Variants in TLN2 observed in about 807,000 individuals in gnomAD.
TLN2 encodes talin 2, also known as talin-2.
A neutral mutation model predicts 294.7 loss-of-function variants in TLN2; 118 were observed. The observed-to-expected ratio is 0.40, with a 90% CI of 0.34 to 0.47. TLN2 has a LOEUF of 0.47. Ranked by LOEUF, TLN2 falls within the 20% of genes least tolerant of loss-of-function variation. The pLI, the probability that TLN2 is intolerant of heterozygous loss-of-function variation, is 0.84. For synonymous variants in TLN2, 1,431 were observed against 1,304.5 expected, an observed-to-expected ratio of 1.10 and a Z score of -2.09; for missense variants, 3,083 against 3,282.2, an observed-to-expected ratio of 0.94 and a Z score of 1.48.
chr15:62,399,383 C>T (rs1025553679), intron 1 of TLN2, among the ~76,000 whole-genome samples: 5 of 150,052 alleles, frequency 3.3e-5, no homozygotes, highest in African/African-American at 9.8e-5. Context: ...AATGTGGGGT[C>T]GGAACCCCCA....
chr15:62,662,842 G>A (rs1433411760), intron 9 of TLN2, among the ~76,000 whole-genome samples: 1 of 6,714 alleles, frequency 1.5e-4, no homozygotes, highest in Non-Finnish European at 1.8e-3. Flanking sequence ...TTTTTTTTTG[G>A]AGACAGAGTC....
At position 62,764,067 on chromosome 15, in the gene TLN2, TTCA is replaced by T. The variant is rs1223313155; in HGVS notation, c.5094+376_5094+378del. ...TTTGAATAATTCTCTGTTGTCGTAT[TTCA>T]TCAGTGTGCTTTTTAGTTAGTTGGC... On this transcript the variant is annotated intron_variant, in intron 40 of 58. Transcript: ENST00000636159. 2.0e-5 allele frequency among the ~76,000 whole-genome samples: 3 copies of T among 152,220 alleles called. No homozygotes were observed. In the East Asian group the frequency reaches 5.8e-4, roughly 29 times the overall value.
chr15:62,543,378 T>C (rs377186685), intron 1 of TLN2, among the ~76,000 whole-genome samples: 3 of 152,350 alleles, frequency 2.0e-5, no homozygotes, highest in Non-Finnish European at 2.9e-5. Flanking sequence ...GATATAATTA[T>C]GTGCAATGTG....
intron 1 of TLN2, among the ~76,000 whole-genome samples, chr15:62,396,108 A>G (rs2032526891): frequency 6.6e-6 from 1 of 152,220 alleles, no homozygotes. Context: ...TGCTATGATT[A>G]CAGGCATGAG....
At chr15:62,740,316 C>A in intron 31 of TLN2, 1 of 257,870 alleles carries the variant, frequency 3.9e-6, no homozygotes, top group Non-Finnish European at 7.4e-6. Context: ...TGCATTGGCT[C>A]ACAGCTCGCT....
At chr15:62,640,328 G>T (rs939001829) in intron 3 of TLN2, 1 of 454,240 alleles carries the variant, frequency 2.2e-6, no homozygotes, top group African/African-American at 2.1e-5. Context: ...TGGGCACAGA[G>T]GCCTTCCCAG....
At chr15:62,563,428 T>A (rs1373320392) in intron 1 of TLN2, among the ~76,000 whole-genome samples, 1 of 152,214 alleles carries the variant, frequency 6.6e-6, no homozygotes, top group Non-Finnish European at 1.5e-5. Context: ...CTTAGCCCAC[T>A]TTTTGATGGG....
At chr15:62,574,021 G>T (rs1204081444) in intron 1 of TLN2, among the ~76,000 whole-genome samples, 8 of 152,156 alleles carry the variant, frequency 5.3e-5, no homozygotes, top group African/African-American at 7.2e-5. Flanking sequence ...CATCTTTGGT[G>T]CAGGGTTAAG....
chr15:62,536,440 T>A (rs1325572583), intron 1 of TLN2, among the ~76,000 whole-genome samples: 1 of 152,236 alleles, frequency 6.6e-6, no homozygotes, highest in Admixed American at 6.5e-5. Context: ...TTGGGTGCAT[T>A]TTTGAAAAGA....
At chr15:62,622,330 G>A (rs1187614372) in intron 3 of TLN2, among the ~76,000 whole-genome samples, 1 of 152,150 alleles carries the variant, frequency 6.6e-6, no homozygotes, top group Non-Finnish European at 1.5e-5. Flanking sequence ...ATCTGTAAAA[G>A]TTGGGGATTT....
intron 28 of TLN2, among the ~76,000 whole-genome samples, chr15:62,731,731 C>A (rs1364663195): frequency 6.6e-6 from 1 of 152,146 alleles, no homozygotes; most frequent in African/African-American, 2.4e-5. Context: ...TGGACTCACT[C>A]CTTCATTTCA....
intron 1 of TLN2, among the ~76,000 whole-genome samples, chr15:62,480,928 T>G (rs1053635787): frequency 6.6e-6 from 1 of 152,220 alleles, no homozygotes; most frequent in African/African-American, 2.4e-5. Flanking sequence ...CTCCCCTCAT[T>G]CGAAATGTCC....
In TLN2 at chr15:62,702,763, C is replaced by T; in HGVS notation, c.1906-3C>T. The T allele has an allele frequency of 2.5e-6, 4 of 1,614,060 alleles. No individual in the cohort carries two copies. The South Asian group carries it at 3.3e-5, about 13-fold the overall frequency. On this transcript the variant is annotated splice_region_variant and splice_polypyrimidine_tract_variant and intron_variant, in intron 18 of 58. Coordinates refer to ENST00000636159, the MANE Select transcript of TLN2 (RefSeq NM_015059.3). ...CCAATTAAGGTGTGTTGTTTGTTCA[C>T]AGCCTCGACAGACAGTTTTGACTGC... is the stretch of plus-strand genomic sequence containing the variant.
chr15:62,574,581 A>C (rs2044224014), intron 1 of TLN2, among the ~76,000 whole-genome samples: 2 of 35,818 alleles, frequency 5.6e-5, no homozygotes, highest in Non-Finnish European at 9.8e-5. Flanking sequence ...CCCTGTCTCA[A>C]AAAAAAAAAA....
chr15:62,517,840 A>C (rs2040257462), intron 1 of TLN2, among the ~76,000 whole-genome samples: 1 of 152,090 alleles, frequency 6.6e-6, no homozygotes. Flanking sequence ...TAATTATGGG[A>C]GACTCTGTAG....
chr15:62,763,876 C>T (rs936172005), intron 40 of TLN2, among the ~76,000 whole-genome samples, 181 bp downstream of exon 40: 3 of 152,012 alleles, frequency 2.0e-5, no homozygotes, highest in Non-Finnish European at 4.4e-5. Context: ...AGGGCAGATG[C>T]CAAGTAGAGA....
chr15:62,464,570 A>G (rs181489974), intron 1 of TLN2, among the ~76,000 whole-genome samples: 3 of 147,106 alleles, frequency 2.0e-5, no homozygotes, highest in African/African-American at 7.5e-5. Context: ...CTTAAAGTAT[A>G]TTTAAAAAAA....
At chr15:62,735,236 C>T (rs902521323) in intron 28 of TLN2, among the ~76,000 whole-genome samples, 2 of 152,198 alleles carry the variant, frequency 1.3e-5, no homozygotes, top group African/African-American at 2.4e-5. Flanking sequence ...AGCTGTTCAG[C>T]GATTCTCAGG....
intron 19 of TLN2, among the ~76,000 whole-genome samples, chr15:62,705,463 T>C (rs1209930135): frequency 6.6e-6 from 1 of 152,230 alleles, no homozygotes. Flanking sequence ...TGTCAGCAGC[T>C]ATAGCTGTAG....
Sources: gnomAD v4.1 joint callset for allele counts (sites outside exome capture counted in the v4.1 genomes callset) on GRCh38, gnomAD v4.1.1 for gene constraint, MANE v1.5 for transcripts, NCBI Gene and HGNC (gene_info 2026-07-23, HGNC 2026-07-21) for gene names.